PTH2R: variants seen among roughly 807,000 people sequenced by gnomAD.
The protein encoded by PTH2R is PTH2 receptor.
Under a neutral mutation model 60.3 loss-of-function variants are expected in PTH2R, and 59 were observed. The ratio of observed to expected loss-of-function variants is 0.98; its 90% CI spans 0.79 to 1.22. The LOEUF (loss-of-function observed/expected upper bound fraction) is 1.22. PTH2R is among the 50% of genes most tolerant of loss of function. The pLI, the probability that PTH2R is intolerant of heterozygous loss-of-function variation, is 0.00. For missense variants in PTH2R, 749 were observed against 682.6 expected (o/e 1.10, Z -1.08); for synonymous variants, 256 against 243.8 (o/e 1.05, Z -0.47).
At chr2:208,362,888 A>G (rs1329044156) in intron 1 of PTH2R, among the ~76,000 whole-genome samples, 3 of 151,800 alleles carry the variant, frequency 2.0e-5, no homozygotes, top group African/African-American at 7.3e-5. Flanking sequence ...AATGGGTGTG[A>G]GGTGACATTT....
In PTH2R at chr2:208,370,442, C is replaced by CAAAAAAAA. The variant is rs71041305; in HGVS notation, c.-259+10231_-259+10238dup. Among the ~76,000 whole-genome samples the CAAAAAAAA allele has an allele frequency of 8.1e-5, 5 of 61,684 alleles. 1 individual carries two copies. The highest frequency in any genetic ancestry group is 2.6e-4 in the African/African-American group (4 of 15,112). The allele number at this position is 61,684 out of a possible 152,430, so 40.5% of individuals were successfully genotyped here. ...TGGGCGACAGAACGAGACTCCGTCTCAAAAAAAAAAAAAAAAAAAAAAAAA... is the reference window on the plus strand; with the variant it reads ...TGGGCGACAGAACGAGACTCCGTCTCAAAAAAAAAAAAAAAAAAAAAAAAAAAAAAAAA... On this transcript the variant is annotated intron_variant, in intron 1 of 12. Transcript: ENST00000617735.
intron 1 of PTH2R, among the ~76,000 whole-genome samples, chr2:208,417,201 A>G (rs1331712119): frequency 2.6e-5 from 4 of 152,190 alleles, no homozygotes; most frequent in Non-Finnish European, 5.9e-5. Flanking sequence ...AAGCTGCCAA[A>G]ATGTCCTTCC....
intron 1 of PTH2R, among the ~76,000 whole-genome samples, chr2:208,386,710 G>T (rs957604421): frequency 6.6e-6 from 1 of 152,164 alleles, no homozygotes; most frequent in Non-Finnish European, 1.5e-5. Flanking sequence ...CCCATGGTTT[G>T]CAAATCACAG....
chr2:208,493,710 G>T lies in PTH2R; in HGVS notation c.*51G>T. On this transcript the variant is annotated 3_prime_UTR_variant, in exon 13 of 13. Transcript: ENST00000272847. ...GGGCTGGTCCAATGGCTGGTTGTGT[G>T]AGAGGGCTTGGCTGATACTCCTATG... is the stretch of plus-strand genomic sequence containing the variant. 1 of 1,503,604 alleles carries T rather than the reference G, an allele frequency of 6.7e-7. No homozygotes were observed. Among genetic ancestry groups the T allele is most frequent in the African/African-American group, 1.4e-5 (1 of 71,668 alleles). The allele number at this position is 1,503,604 out of a possible 1,614,324, so 93.1% of individuals were successfully genotyped here. A position where few individuals can be genotyped will look rare whatever the true frequency, so the allele number is the denominator to read the frequency against.
At chr2:208,432,218 G>T (rs10497900) in intron 2 of PTH2R, among the ~76,000 whole-genome samples, 52,643 of 152,124 alleles carry the variant, frequency 0.35, 10,876 homozygotes, top group Admixed American at 0.45. Flanking sequence ...ATCATCGTCA[G>T]TGTCCCTTTA....
chr2:208,428,005 C>CT (rs1701892606), intron 1 of PTH2R, among the ~76,000 whole-genome samples, 196 bp from the exon 2 acceptor site: 1 of 151,650 alleles, frequency 6.6e-6, no homozygotes, highest in African/African-American at 2.4e-5. Flanking sequence ...TTTTAAAAGG[C>CT]TAATCAGGTA....
At chr2:208,413,958 G>T (rs1701591344) in intron 1 of PTH2R, among the ~76,000 whole-genome samples, 2 of 152,118 alleles carry the variant, frequency 1.3e-5, no homozygotes, top group African/African-American at 4.8e-5. Flanking sequence ...TTTTGTGTTT[G>T]TTCCCGTACA....
chr2:208,471,815 A>G (rs557928885), intron 9 of PTH2R, among the ~76,000 whole-genome samples: 4 of 152,342 alleles, frequency 2.6e-5, no homozygotes, highest in Non-Finnish European at 5.9e-5. Context: ...AAAGCTGCAG[A>G]CACTCAATGC....
rs140028216 is a variant in PTH2R at position 208,397,562 on chromosome 2, A to G, written c.-258-30639A>G. ...GAAAGAAGGAAGAGGCTCCCTCTGTACAGAGATAGAGGTGGGGGGGCTCTA... is the reference window on the plus strand; with the variant it reads ...GAAAGAAGGAAGAGGCTCCCTCTGTGCAGAGATAGAGGTGGGGGGGCTCTA... On this transcript the variant is annotated intron_variant, in intron 1 of 12. Coordinates refer to the PTH2R transcript ENST00000617735. Among the ~76,000 whole-genome samples, 379 of 152,260 alleles carry G rather than the reference A, an allele frequency of 2.5e-3. 1 individual carries two copies. Among genetic ancestry groups the G allele is most frequent in the Non-Finnish European group, 2.9e-3 (199 of 68,034 alleles).
chr2:208,460,060 C>A, intron 9 of PTH2R, 99 bp downstream of exon 9: 2 of 993,388 alleles, frequency 2.0e-6, no homozygotes, highest in Non-Finnish European at 1.6e-6. Context: ...TACAACAGAT[C>A]TGAGAAACTG....
At chr2:208,462,271 A>G (rs1702649715) in intron 9 of PTH2R, among the ~76,000 whole-genome samples, 1 of 152,226 alleles carries the variant, frequency 6.6e-6, no homozygotes, top group Non-Finnish European at 1.5e-5. Flanking sequence ...AGAAAAACTA[A>G]AAAAGCAAGT....
chr2:208,432,489 G>A (rs1701992193), intron 2 of PTH2R, among the ~76,000 whole-genome samples: 1 of 152,210 alleles, frequency 6.6e-6, no homozygotes, highest in East Asian at 1.9e-4. Flanking sequence ...TGAGAGGAAA[G>A]TAAGACTGTA....
At chr2:208,441,127 C>G (rs1399701674) in intron 4 of PTH2R, among the ~76,000 whole-genome samples, 1 of 152,208 alleles carries the variant, frequency 6.6e-6, no homozygotes, top group Non-Finnish European at 1.5e-5. Flanking sequence ...TAACCACCTT[C>G]AAGTTGGGGT....
intron 11 of PTH2R, 77 bp from the exon 12 acceptor site, chr2:208,490,562 A>G: frequency 7.0e-7 from 1 of 1,425,988 alleles, no homozygotes; most frequent in Middle Eastern, 1.8e-4. Flanking sequence ...TTTTGGACGT[A>G]CACATTTTGG....
intron 1 of PTH2R, among the ~76,000 whole-genome samples, chr2:208,363,383 A>G (rs1480779506): frequency 1.3e-5 from 2 of 152,176 alleles, no homozygotes; most frequent in African/African-American, 4.8e-5. Context: ...GCTGTGGTGT[A>G]TATGTACCAC....
intron 1 of PTH2R, among the ~76,000 whole-genome samples, chr2:208,383,448 G>A (rs149949755): frequency 1.6e-4 from 24 of 152,262 alleles, no homozygotes; most frequent in African/African-American, 5.5e-4. Flanking sequence ...AAGATATAAA[G>A]AATTTCTTAA....
intron 1 of PTH2R, among the ~76,000 whole-genome samples, chr2:208,398,189 T>C (rs1232471806): frequency 3.3e-5 from 5 of 152,204 alleles, no homozygotes; most frequent in Non-Finnish European, 7.3e-5. Flanking sequence ...GTTAGTTTCT[T>C]TTGTCTCAGA....
intron 1 of PTH2R, among the ~76,000 whole-genome samples, chr2:208,424,167 A>T (rs1701811080): frequency 6.6e-6 from 1 of 152,218 alleles, no homozygotes; most frequent in Non-Finnish European, 1.5e-5. Flanking sequence ...GTGGAAGTCC[A>T]GGCTTCTTAT....
upstream of PTH2R, among the ~76,000 whole-genome samples, chr2:208,402,583 GT>G (rs1262590032): frequency 6.6e-6 from 1 of 152,112 alleles, no homozygotes; most frequent in Non-Finnish European, 1.5e-5. Flanking sequence ...CATTTTCAAT[GT>G]TCCTTCCTAA....
Sources: gnomAD v4.1 joint callset for allele counts (sites outside exome capture counted in the v4.1 genomes callset) on GRCh38, gnomAD v4.1.1 for gene constraint, MANE v1.5 for transcripts, NCBI Gene and HGNC (gene_info 2026-07-23, HGNC 2026-07-21) for gene names.